CRISPLD2: variants seen among roughly 807,000 people sequenced by gnomAD.
CRISPLD2 encodes cysteine rich secretory protein LCCL domain containing 2, also known as cysteine-rich secretory protein LCCL domain-containing 2.
Under a neutral mutation model 71.1 loss-of-function variants are expected in CRISPLD2, and 47 were observed. The ratio of observed to expected loss-of-function variants is 0.66; its 90% CI spans 0.52 to 0.84. CRISPLD2 has a LOEUF of 0.84. Among genes scored for constraint, CRISPLD2 ranks in the 40% least tolerant of loss-of-function variants. The pLI, the probability that CRISPLD2 is intolerant of heterozygous loss-of-function variation, is 0.00. For missense variants in CRISPLD2, 830 were observed against 651.1 expected, an observed-to-expected ratio of 1.27 and a Z score of -2.99; for synonymous variants, 317 against 250.1, an observed-to-expected ratio of 1.27 and a Z score of -2.52.
intron 6 of CRISPLD2, among the ~76,000 whole-genome samples, chr16:84,855,634 C>T (rs982031563): frequency 6.6e-6 from 1 of 152,140 alleles, no homozygotes; most frequent in Non-Finnish European, 1.5e-5. Flanking sequence ...ACAGACACAC[C>T]CAGGATCAGT....
chr16:84,820,886 G>C (rs1457162068), intron 1 of CRISPLD2, among the ~76,000 whole-genome samples: 2 of 152,222 alleles, frequency 1.3e-5, no homozygotes, highest in Non-Finnish European at 2.9e-5. Context: ...GTGTGGGGGA[G>C]ATCGGTCGTC....
At chr16:84,821,982 C>G (rs1305598489) in intron 1 of CRISPLD2, among the ~76,000 whole-genome samples, 1 of 152,212 alleles carries the variant, frequency 6.6e-6, no homozygotes, top group Non-Finnish European at 1.5e-5. Flanking sequence ...GGGCCCTGCC[C>G]CAGATTCTGG....
rs548891930 is a variant in CRISPLD2 at position 84,879,173 on chromosome 16, T to A, written c.1230-1336T>A. On this transcript the variant is annotated intron_variant, in intron 12 of 14. Coordinates refer to ENST00000262424, the MANE Select transcript of CRISPLD2 (RefSeq NM_031476.4). ...CACCACCGTCTTGATCCCCCTTGAA[T>A]GTTCGAGTGGGGATAACAGCCTTTT... Among the ~76,000 whole-genome samples, 94 of 152,344 alleles carry A rather than the reference T, an allele frequency of 6.2e-4. 1 individual carries two copies. Among genetic ancestry groups the A allele is most frequent in the African/African-American group, 2.3e-3 (94 of 41,580 alleles).
rs376471544 is a variant in CRISPLD2 at position 84,879,361 on chromosome 16, C to CTTTT, written c.1230-1133_1230-1130dup. Among the ~76,000 whole-genome samples the CTTTT allele has an allele frequency of 2.3e-3, 193 of 83,312 alleles. 3 individuals are homozygous for CTTTT. Among genetic ancestry groups the CTTTT allele is most frequent in the African/African-American group, 0.011 (186 of 16,186 alleles). 54.7% of individuals were successfully genotyped at this position (83,312 alleles called of 152,430 possible). ...GACTGTTCTTAGACTCTTTCCAATT[C>CTTTT]TTTTTTTTTTTTTTTTTTGAGACTG... On this transcript the variant is annotated intron_variant, in intron 12 of 14. Coordinates refer to ENST00000262424, the MANE Select transcript of CRISPLD2 (RefSeq NM_031476.4).
chr16:84,866,961 T>A lies in CRISPLD2; in HGVS notation c.774T>A (p.Pro258=), dbSNP rs1038593958. Residue 258 remains proline (P), a synonymous_variant, in exon 7 of 15, where the codon CCT becomes CCA. Transcript: ENST00000262424. ...EMNEVETAPI[P]EENHVWLQPR... is the part of the protein sequence containing the mutation. The stretch of plus-strand genomic sequence containing the variant: ...ATGAGGTGGAAACGGCTCCCATTCC[T>A]GAAGAAAACCATGTTTGGCTCCAAC... 2.5e-6 allele frequency: 4 copies of A among 1,614,024 alleles called. No homozygotes were observed. Among genetic ancestry groups the A allele is most frequent in the Non-Finnish European group, 3.4e-6 (4 of 1,180,004 alleles).
Position 84,908,417 on chromosome 16 carries a change from G to A in CRISPLD2, c.*1775G>A, listed in dbSNP as rs1295384583. 6.6e-6 allele frequency: 1 copy of A among 152,404 alleles called. No homozygotes were observed. The highest frequency in any genetic ancestry group is 1.5e-5 in the Non-Finnish European group (1 of 68,190). The allele number at this position is 152,404 out of a possible 1,614,324, so 9.4% of individuals were successfully genotyped here. On this transcript the variant is annotated 3_prime_UTR_variant, in exon 15 of 15. Transcript: ENST00000262424. ...CATCTGGGAAACTTCTGGGTGCTGG[G>A]TGCTCTGCTGCTGGACTTTTGTGGC...
At chr16:84,829,808 T>A (rs1347674169) in intron 1 of CRISPLD2, among the ~76,000 whole-genome samples, 2 of 152,238 alleles carry the variant, frequency 1.3e-5, no homozygotes, top group Non-Finnish European at 2.9e-5. Flanking sequence ...AGGGCTATTG[T>A]CACAGTGGCC....
chr16:84,900,253 C>T (rs1470502523), intron 14 of CRISPLD2, among the ~76,000 whole-genome samples: 2 of 151,974 alleles, frequency 1.3e-5, no homozygotes, highest in African/African-American at 4.8e-5. Flanking sequence ...TGGAGAAGGG[C>T]TAAAAAACAA....
chr16:84,897,376 C>G lies in CRISPLD2; in HGVS notation c.1439+8013C>G, dbSNP rs548410829. ...CTGAGGTAGGAGAATTGATTGAACC[C>G]AGGAGGTGGAGGAGGCTACAGTGAG... is the stretch of plus-strand genomic sequence containing the variant. On this transcript the variant is annotated intron_variant, in intron 14 of 14. Transcript: ENST00000262424. Among the ~76,000 whole-genome samples, 13 of 152,038 alleles carry G rather than the reference C, an allele frequency of 8.6e-5. No individual in the cohort carries two copies. The East Asian group carries it at 1.9e-3, about 23-fold the overall frequency.
At chr16:84,826,192 T>C (rs1916347805) in intron 1 of CRISPLD2, among the ~76,000 whole-genome samples, 1 of 152,160 alleles carries the variant, frequency 6.6e-6, no homozygotes, top group African/African-American at 2.4e-5. Flanking sequence ...TGGACGGTTC[T>C]GGTTATAGGG....
chr16:84,900,414 G>C, intron 14 of CRISPLD2, among the ~76,000 whole-genome samples: 1 of 152,090 alleles, frequency 6.6e-6, no homozygotes, highest in African/African-American at 2.4e-5. Flanking sequence ...CAGAAATGGT[G>C]ACTAGGCTGT....
intron 1 of CRISPLD2, among the ~76,000 whole-genome samples, chr16:84,829,732 G>A (rs1428333194): frequency 6.6e-6 from 1 of 152,214 alleles, no homozygotes; most frequent in East Asian, 1.9e-4. Flanking sequence ...TTGTCCTCAG[G>A]CCTTATGTGT....
chr16:84,875,794 G>C (rs1026890594), intron 11 of CRISPLD2, among the ~76,000 whole-genome samples: 3 of 149,026 alleles, frequency 2.0e-5, no homozygotes, highest in Admixed American at 6.7e-5. Flanking sequence ...TTGAACTCCT[G>C]ACCTCAGGTG....
chr16:84,822,960 C>T (rs1054573235), intron 1 of CRISPLD2, among the ~76,000 whole-genome samples: 1 of 152,190 alleles, frequency 6.6e-6, no homozygotes, highest in African/African-American at 2.4e-5. Context: ...CAGCCACCAC[C>T]ACTAATTCCA....
intron 7 of CRISPLD2, among the ~76,000 whole-genome samples, chr16:84,867,367 C>T (rs557654345): frequency 5.3e-5 from 8 of 152,314 alleles, no homozygotes; most frequent in African/African-American, 1.9e-4. Context: ...GCTGGCCCTG[C>T]AGAGGGCAGG....
rs551430867 is a variant in CRISPLD2, at chr16:84,872,938, C to G, written c.982-54C>G. 16 of 1,554,424 alleles carry G rather than the reference C, an allele frequency of 1.0e-5. No homozygotes were observed. The Admixed American group carries it at 2.5e-4, about 25-fold the overall frequency. ...AAATGTTTGGGTATTTCTGGTGAAA[C>G]TTGCTGACAGAGGTTGAGAATGTGC... On this transcript the variant is annotated intron_variant, in intron 9 of 14. Coordinates refer to ENST00000262424, the MANE Select transcript of CRISPLD2 (RefSeq NM_031476.4).
chr16:84,900,065 T>A (rs936871064), intron 14 of CRISPLD2, among the ~76,000 whole-genome samples: 2 of 151,858 alleles, frequency 1.3e-5, no homozygotes, highest in African/African-American at 4.8e-5. Context: ...GCCGCCAGGG[T>A]CACCCCAGCC....
At chr16:84,887,692 T>G (rs1252910205) in intron 13 of CRISPLD2, among the ~76,000 whole-genome samples, 1 of 151,946 alleles carries the variant, frequency 6.6e-6, no homozygotes, top group Non-Finnish European at 1.5e-5. Context: ...GCCTGACCAA[T>G]ATGGAGAAAC....
chr16:84,827,985 C>A (rs1916396748), intron 1 of CRISPLD2, among the ~76,000 whole-genome samples: 1 of 152,212 alleles, frequency 6.6e-6, no homozygotes, highest in Non-Finnish European at 1.5e-5. Flanking sequence ...CCTGCTCACA[C>A]CTTCGGTATT....
Sources: gnomAD v4.1 joint callset for allele counts (sites outside exome capture counted in the v4.1 genomes callset) on GRCh38, gnomAD v4.1.1 for gene constraint, MANE v1.5 for transcripts, NCBI Gene and HGNC (gene_info 2026-07-23, HGNC 2026-07-21) for gene names.